Variants in RECQL observed in about 807,000 individuals in gnomAD.
The protein encoded by RECQL is RecQ like helicase.
RECQL carries 73 observed loss-of-function variants against 75.8 expected under a neutral mutation model. The ratio of observed to expected loss-of-function variants is 0.96; its 90% confidence interval spans 0.80 to 1.17. RECQL has a LOEUF of 1.17. Among genes scored for constraint, RECQL ranks in the 50% most tolerant of loss-of-function variants. RECQL has a pLI of 0.00. For missense variants in RECQL, 699 were observed against 772.1 expected (o/e 0.91, Z 1.12); for synonymous variants, 248 against 254.4 (o/e 0.97, Z 0.24).
chr12:21,471,071 A>G lies in RECQL; in HGVS notation c.1695T>C (p.Ala565=), dbSNP rs1942942303. The G allele has an allele frequency of 1.3e-6, 2 of 1,599,514 alleles. No homozygotes were observed. The highest frequency in any genetic ancestry group is 2.7e-5 in the African/African-American group (2 of 73,940). The change falls in exon 14 of 15, where the codon GCT becomes GCC. Residue 565 remains alanine, a synonymous_variant. Transcript: ENST00000444129. ...GTCCTATTTTCAAATACGAAATGGT[A>G]GCATAAGCTGTAAAACTGTAGTCTT... ...LKEDYSFTAY[A]TISYLKIGPK...
intron 6 of RECQL, among the ~76,000 whole-genome samples, chr12:21,481,963 G>T (rs1404409733): frequency 6.6e-6 from 1 of 151,942 alleles, no homozygotes; most frequent in African/African-American, 2.4e-5. Flanking sequence ...GGTCACCGAT[G>T]ACCTGTTTCA....
Position 21,486,510 on chromosome 12 carries a change from G to A in RECQL, c.470C>T (p.Ser157Leu), listed in dbSNP as rs766866319. 2 of 1,597,554 alleles carry A rather than the reference G, an allele frequency of 1.3e-6. No individual in the cohort carries two copies. Among genetic ancestry groups the A allele is most frequent in the Non-Finnish European group, 1.7e-6 (2 of 1,174,372 alleles). The change falls in exon 5 of 15, where the codon TCA (serine) becomes TTA (leucine). Residue 157 changes from serine (S) to leucine (L), a missense_variant. Physicochemically the swap from Ser to Leu is moderately radical, Grantham distance 145. This residue lies in a region of RECQL where 669 missense variants were observed against 713.5 expected (regional missense o/e 0.94). Coordinates refer to ENST00000444129, the MANE Select transcript of RECQL (RefSeq NM_002907.4). The part of the protein sequence containing the change: ...QLMVLKQLGI[S>L]ATMLNASSSK... ...ACTAGAAGCATTTAACATGGTTGCT[G>A]AAATTCCTAATTGTTTTAAAACCAT... is the stretch of plus-strand genomic sequence containing the variant.
chr12:21,496,608 A>C (rs533689221), intron 2 of RECQL, among the ~76,000 whole-genome samples: 2 of 152,338 alleles, frequency 1.3e-5, no homozygotes, highest in East Asian at 3.9e-4. Flanking sequence ...AACTGCTAAG[A>C]GAGACACTTG....
Position 21,475,832 on chromosome 12 carries a change from A to T in RECQL, c.950-8T>A. ...AAAAACAATATATGATTCCTGCAGT[A>T]AAATATGTGCATTTGTTAGATAGAT... On this transcript the variant is annotated splice_polypyrimidine_tract_variant and splice_region_variant and intron_variant, in intron 8 of 14. Coordinates refer to ENST00000444129, the MANE Select transcript of RECQL (RefSeq NM_002907.4). 6.2e-7 allele frequency: 1 copy of T among 1,606,194 alleles called. No individual in the cohort carries two copies. The highest frequency in any genetic ancestry group is 8.5e-7 in the Non-Finnish European group (1 of 1,174,236).
At chr12:21,495,720 T>G (rs998236520) in intron 2 of RECQL, among the ~76,000 whole-genome samples, 3 of 152,170 alleles carry the variant, frequency 2.0e-5, no homozygotes, top group Non-Finnish European at 4.4e-5. Flanking sequence ...AGACTCGACT[T>G]AAGTGAGGTG....
intron 6 of RECQL, among the ~76,000 whole-genome samples, chr12:21,478,779 G>T (rs1266525330): frequency 6.6e-6 from 1 of 152,148 alleles, no homozygotes; most frequent in African/African-American, 2.4e-5. Context: ...TGCAAGATTT[G>T]GTGGCAGAAG....
intron 2 of RECQL, among the ~76,000 whole-genome samples, chr12:21,494,039 C>T (rs148684527): frequency 2.6e-5 from 4 of 152,220 alleles, no homozygotes; most frequent in Admixed American, 2.0e-4. Flanking sequence ...AGGAGCATAG[C>T]GCTGGCATCT....
intron 2 of RECQL, among the ~76,000 whole-genome samples, chr12:21,497,757 G>C (rs1943535086): frequency 6.6e-6 from 1 of 152,210 alleles, no homozygotes; most frequent in South Asian, 2.1e-4. Context: ...GCACAACGAA[G>C]TCAAGAACAA....
intron 4 of RECQL, among the ~76,000 whole-genome samples, chr12:21,486,820 G>A (rs945379825): frequency 1.3e-5 from 2 of 151,722 alleles, no homozygotes; most frequent in African/African-American, 4.8e-5. Flanking sequence ...ACAGGCACCT[G>A]CTGCCATGCC....
intron 3 of RECQL, among the ~76,000 whole-genome samples, chr12:21,491,313 A>G (rs897714528): frequency 1.1e-4 from 16 of 152,132 alleles, no homozygotes; most frequent in Non-Finnish European, 1.5e-4. Context: ...TAACTGGAAA[A>G]AAATGTCTGA....
At chr12:21,486,451 TAAAA>T in intron 5 of RECQL, 24 bp downstream of exon 5, 1 of 1,353,272 alleles carries the variant, frequency 7.4e-7, no homozygotes, top group Non-Finnish European at 1.0e-6. Flanking sequence ...TAGTTTACAT[TAAAA>T]AAAAAAAAGC....
At position 21,501,476 on chromosome 12, in the gene RECQL, C is replaced by CT. The variant is rs1474241132; in HGVS notation, c.-353dup. 1.2e-5 allele frequency: 2 copies of CT among 167,686 alleles called. No homozygotes were observed. Among genetic ancestry groups the CT allele is most frequent in the Non-Finnish European group, 2.6e-5 (2 of 77,004 alleles). 10.4% of individuals were successfully genotyped at this position (167,686 alleles called of 1,614,324 possible). ...GCCTCTCCCCACCGAGAAGCCCGGTCTAACTCTCCGGTGTTTGACTGTCCG... is the reference window on the plus strand; with the variant it reads ...GCCTCTCCCCACCGAGAAGCCCGGTCTTAACTCTCCGGTGTTTGACTGTCCG... On this transcript the variant is annotated 5_prime_UTR_variant, in exon 1 of 15. Coordinates refer to ENST00000444129, the MANE Select transcript of RECQL (RefSeq NM_002907.4).
At chr12:21,475,848 TTAGA>T (rs747796480) in intron 8 of RECQL, 24 bp from the exon 9 acceptor site, 2 of 1,585,662 alleles carry the variant, frequency 1.3e-6, no homozygotes, top group East Asian at 4.5e-5. Context: ...TGTGCATTTG[TTAGA>T]TAGATATGGC....
chr12:21,472,170 A>G (rs1173266422), intron 12 of RECQL, among the ~76,000 whole-genome samples: 1 of 152,062 alleles, frequency 6.6e-6, no homozygotes, highest in Non-Finnish European at 1.5e-5. Flanking sequence ...TCCACCTAAC[A>G]AGGCATCAGA....
intron 6 of RECQL, among the ~76,000 whole-genome samples, chr12:21,479,718 C>G (rs575764919): frequency 1.3e-5 from 2 of 152,062 alleles, no homozygotes; most frequent in South Asian, 2.1e-4. Context: ...AAAATACAGA[C>G]TGGAATAGAC....
At chr12:21,490,686 T>TA (rs1555147018) in intron 3 of RECQL, among the ~76,000 whole-genome samples, 3 of 151,960 alleles carry the variant, frequency 2.0e-5, no homozygotes, top group African/African-American at 7.3e-5. Context: ...TCTATCCCTA[T>TA]AAAAAAATTT....
chr12:21,495,033 G>T (rs568696970), intron 2 of RECQL, among the ~76,000 whole-genome samples: 1 of 152,358 alleles, frequency 6.6e-6, no homozygotes, highest in South Asian at 2.1e-4. Flanking sequence ...AGTTGACTGT[G>T]AAGTCCCTGA....
At chr12:21,493,890 C>T (rs1943456694) in intron 2 of RECQL, among the ~76,000 whole-genome samples, 1 of 152,118 alleles carries the variant, frequency 6.6e-6, no homozygotes. Flanking sequence ...ATGATATGCA[C>T]CAAAAGAGCT....
At chr12:21,473,463 C>T (rs1394570203) in intron 12 of RECQL, 88 bp downstream of exon 12, 7 of 965,176 alleles carry the variant, frequency 7.3e-6, no homozygotes, top group Non-Finnish European at 1.1e-5. Flanking sequence ...GACAAAATCA[C>T]CTAGTGATGC....
Sources: gnomAD v4.1 joint callset for allele counts (sites outside exome capture counted in the v4.1 genomes callset) on GRCh38, gnomAD v4.1.1 for gene constraint, gnomAD v4.1.1 regional missense constraint, MANE v1.5 for transcripts, NCBI Gene and HGNC (gene_info 2026-07-23, HGNC 2026-07-21) for gene names.